Variants in ZNF529 observed in about 807,000 individuals in gnomAD.
The protein encoded by ZNF529 is zinc finger protein 529.
Under a neutral mutation model 10.1 loss-of-function variants are expected in ZNF529, and 11 were observed. The ratio of observed to expected loss-of-function variants is 1.09; its 90% CI spans 0.69 to 1.81. The LOEUF is 1.81. Ranked by LOEUF, ZNF529 falls within the 40% of genes most tolerant of loss-of-function variation. The pLI is 0.00. For missense variants in ZNF529, 624 were observed against 666.8 expected (o/e 0.94, Z 0.71); for synonymous variants, 204 against 215.7 (o/e 0.95, Z 0.47).
rs375236315 is a variant in ZNF529, at chr19:36,546,763, C to CT, written c.*102dup. 1.6e-6 allele frequency: 2 copies of CT among 1,277,274 alleles called. No homozygotes were observed. Among genetic ancestry groups the CT allele is most frequent in the Non-Finnish European group, 2.1e-6 (2 of 931,620 alleles). The allele number at this position is 1,277,274 out of a possible 1,614,324, so 79.1% of individuals were successfully genotyped here. On this transcript the variant is annotated 3_prime_UTR_variant, in exon 5 of 5. Transcript: ENST00000591340. ...AATGACCATGAAGTCTAAAAACAGA[C>CT]TTTAAGAGAGGGAGATACTGAATTG...
At position 36,547,090 on chromosome 19, in the gene ZNF529, T is replaced by G. The variant is rs776790047; in HGVS notation, c.1468A>C (p.Ser490Arg). ...CKVCGKAFRHSSALTEHQRIH... is the reference protein window; with the variant it reads ...CKVCGKAFRHRSALTEHQRIH... The stretch of plus-strand genomic sequence containing the variant: ...CTCTGATGTTCTGTAAGGGCTGAAC[T>G]ATGTCTAAAGGCCTTCCCACATACC... Residue 490 changes from serine to arginine, a missense_variant, in exon 5 of 5, where the codon AGT becomes CGT. Physicochemically the swap from Ser to Arg is moderately radical, Grantham distance 110. Coordinates refer to ENST00000591340, the MANE Select transcript of ZNF529 (RefSeq NM_020951.5). 6.2e-7 allele frequency: 1 copy of G among 1,613,990 alleles called. No homozygotes were observed. Among genetic ancestry groups the G allele is most frequent in the African/African-American group, 1.3e-5 (1 of 75,018 alleles).
intron 2 of ZNF529, among the ~76,000 whole-genome samples, chr19:36,571,610 G>A (rs2036112045): frequency 6.6e-6 from 1 of 151,540 alleles, no homozygotes; most frequent in African/African-American, 2.4e-5. Flanking sequence ...GGGAGGCAGA[G>A]GTTGCAGTGA....
chr19:36,593,899 G>A (rs1357698201), intron 1 of ZNF529: 5 of 152,150 alleles, frequency 3.3e-5, no homozygotes, highest in Non-Finnish European at 7.3e-5. Flanking sequence ...CCCATGAGAT[G>A]AGATGTGCCT....
At chr19:36,554,906 CAAAAG>C in intron 3 of ZNF529, 110 bp from the exon 4 acceptor site, 1 of 906,768 alleles carries the variant, frequency 1.1e-6, no homozygotes, top group African/African-American at 1.7e-5. Context: ...ACAAGGAGGC[CAAAAG>C]AAGACTGTGA....
At chr19:36,548,360 A>G in intron 4 of ZNF529, 38 bp from the exon 5 acceptor site, 1 of 1,469,312 alleles carries the variant, frequency 6.8e-7, no homozygotes, top group Admixed American at 2.7e-5. Context: ...TGTACTACAA[A>G]AATAAAACAG....
intron 4 of ZNF529, among the ~76,000 whole-genome samples, chr19:36,553,047 T>C (rs1383113050): frequency 1.3e-5 from 2 of 152,230 alleles, no homozygotes; most frequent in East Asian, 3.8e-4. Context: ...AGTACCTAAA[T>C]ACTCTCTGTT....
chr19:36,574,951 T>C, upstream of ZNF529: 1 of 468,998 alleles, frequency 2.1e-6, no homozygotes, highest in South Asian at 1.6e-5. Context: ...TTAGAATGAT[T>C]AGTTGTGATT....
At chr19:36,580,596 T>C (rs1359195435) in intron 2 of ZNF529, 3 of 152,326 alleles carry the variant, frequency 2.0e-5, no homozygotes, top group South Asian at 2.1e-4. Context: ...ATCAGGAATA[T>C]GTATGCTAGT....
chr19:36,563,859 T>C (rs1251977451), intron 2 of ZNF529, among the ~76,000 whole-genome samples: 1 of 152,248 alleles, frequency 6.6e-6, no homozygotes, highest in East Asian at 1.9e-4. Context: ...TACATCACAC[T>C]ACCTGACTTC....
In ZNF529 at chr19:36,547,060, G is replaced by A; in HGVS notation, c.1498C>T (p.His500Tyr). 2 of 1,614,012 alleles carry A rather than the reference G, an allele frequency of 1.2e-6. No homozygotes were observed. Among genetic ancestry groups the A allele is most frequent in the Non-Finnish European group, 1.7e-6 (2 of 1,179,968 alleles). The change falls in exon 5 of 5, where the codon CAT becomes TAT. Residue 500 changes from histidine to tyrosine, a missense_variant. By Grantham distance (83) the His-to-Tyr change is moderately conservative (BLOSUM62 2). Transcript: ENST00000591340. ...CATTCATAGGGTTTTTCTCCAGTAT[G>A]AATTCTCTGATGTTCTGTAAGGGCT... ...SSALTEHQRI[H>Y]TGEKPYECKA...
At chr19:36,597,001 G>GTA (rs1312542195) in intron 1 of ZNF529, among the ~76,000 whole-genome samples, 1 of 152,108 alleles carries the variant, frequency 6.6e-6, no homozygotes, top group Non-Finnish European at 1.5e-5. Flanking sequence ...AGCCTCCTGA[G>GTA]TAGCTGGGAT....
At chr19:36,552,005 G>A (rs1287625659) in intron 4 of ZNF529, 2 of 152,118 alleles carry the variant, frequency 1.3e-5, no homozygotes, top group Admixed American at 1.3e-4. Context: ...ATATGAATGA[G>A]CATTTTTTTT....
intron 2 of ZNF529, among the ~76,000 whole-genome samples, chr19:36,578,396 C>T (rs1488412275): frequency 6.9e-6 from 1 of 144,068 alleles, no homozygotes; most frequent in Non-Finnish European, 1.5e-5. Flanking sequence ...AGCTCCGCCT[C>T]CCGGGTTCAC....
upstream of ZNF529, among the ~76,000 whole-genome samples, chr19:36,576,609 C>T (rs1037839330): frequency 5.9e-5 from 9 of 151,674 alleles, no homozygotes; most frequent in East Asian, 1.9e-4. Flanking sequence ...CCCAGCTACT[C>T]GGGAGGCTGA....
intron 2 of ZNF529, among the ~76,000 whole-genome samples, chr19:36,583,365 T>C (rs1257436499): frequency 2.0e-5 from 3 of 152,276 alleles, no homozygotes; most frequent in East Asian, 3.9e-4. Flanking sequence ...CCTAAAATTT[T>C]AAGTTTTAAT....
intron 2 of ZNF529, among the ~76,000 whole-genome samples, chr19:36,572,122 T>C (rs1484251526): frequency 1.3e-5 from 2 of 150,288 alleles, no homozygotes; most frequent in African/African-American, 4.9e-5. Flanking sequence ...CCTCCAGGAG[T>C]TGTATTTCTA....
At chr19:36,575,197 G>C (rs1406389072), upstream of ZNF529, among the ~76,000 whole-genome samples, 1 of 152,172 alleles carries the variant, frequency 6.6e-6, no homozygotes, top group Non-Finnish European at 1.5e-5. Flanking sequence ...CTATGTAAGT[G>C]ATGTTAATGA....
chr19:36,547,486 TC>T lies in ZNF529; in HGVS notation c.1071del (p.Arg358GlufsTer52), dbSNP rs1475725949. 1 of 1,613,346 alleles carries T rather than the reference TC, an allele frequency of 6.2e-7. No homozygotes were observed. Among genetic ancestry groups the T allele is most frequent in the Non-Finnish European group, 8.5e-7 (1 of 1,179,432 alleles). On this transcript the variant is annotated frameshift_variant, in exon 5 of 5. Coordinates refer to ENST00000591340, the MANE Select transcript of ZNF529 (RefSeq NM_020951.5). LOFTEE classifies it low-confidence loss of function (END_TRUNC). ...FRISSQLIEH[Q>X]RIHTGEKPYA... ...TAAGGTTTCTCACCAGTGTGAATTC[TC>T]TGATGTTCAATGAGCTGTGAACTAA...
At chr19:36,557,120 C>A (rs770588614) in intron 2 of ZNF529, among the ~76,000 whole-genome samples, 4 of 152,136 alleles carry the variant, frequency 2.6e-5, no homozygotes, top group Non-Finnish European at 5.9e-5. Flanking sequence ...CTTATGAAAG[C>A]AATACTGCCA....
Sources: allele counts gnomAD v4.1 joint callset (sites outside exome capture counted in the v4.1 genomes callset), GRCh38; gene constraint gnomAD v4.1.1; transcripts MANE v1.5; gene names NCBI Gene and HGNC (gene_info 2026-07-23, HGNC 2026-07-21).